The following ESRRG variants were observed in gnomAD, a reference collection of about 807,000 sequenced individuals.
ESRRG encodes estrogen-related receptor gamma.
Under a neutral mutation model 44.0 loss-of-function variants are expected in ESRRG, and 13 were observed. The observed-to-expected ratio is 0.30, with a 90% CI of 0.19 to 0.47. The LOEUF (loss-of-function observed/expected upper bound fraction) is 0.47. Ranked by LOEUF, ESRRG falls within the 20% of genes least tolerant of loss-of-function variation. The pLI is 1.00. For missense variants in ESRRG, 395 were observed against 580.6 expected, an observed-to-expected ratio of 0.68 and a Z score of 3.29; for synonymous variants, 215 against 214.6, an observed-to-expected ratio of 1.00 and a Z score of -0.02.
At chr1:216,738,501 G>A (rs571500649) in intron 2 of ESRRG, among the ~76,000 whole-genome samples, 9 of 152,144 alleles carry the variant, frequency 5.9e-5, no homozygotes, top group Non-Finnish European at 1.2e-4. Flanking sequence ...AAAATCTGTG[G>A]TATCATAAGG....
chr1:216,531,454 G>C (rs2049352558), intron 5 of ESRRG, among the ~76,000 whole-genome samples: 1 of 152,016 alleles, frequency 6.6e-6, no homozygotes, highest in Admixed American at 6.6e-5. Flanking sequence ...CGTTCCACTG[G>C]GGAGGCGACC....
intron 2 of ESRRG, among the ~76,000 whole-genome samples, chr1:216,765,237 A>C (rs1432060460): frequency 6.6e-6 from 1 of 152,144 alleles, no homozygotes; most frequent in East Asian, 1.9e-4. Flanking sequence ...GGAAGGGAGA[A>C]AACATCACAA....
In ESRRG at chr1:217,107,713, GC is replaced by G. The variant is rs571960309; in HGVS notation, c.-230+29953del. ...AAAACTCTTCTAAAATTCAGTCTGA[GC>G]TACTTATGCACAAGGGCCATAGGAT... On this transcript the variant is annotated intron_variant, in intron 1 of 8. Coordinates refer to the ESRRG transcript ENST00000366940. 2.8e-3 allele frequency among the ~76,000 whole-genome samples: 429 copies of G among 152,218 alleles called. 2 individuals are homozygous for G. The highest frequency in any genetic ancestry group is 9.8e-3 in the African/African-American group (405 of 41,530).
intron 1 of ESRRG, chr1:216,959,637 T>A (rs549829607): frequency 6.6e-6 from 1 of 152,186 alleles, no homozygotes; most frequent in Non-Finnish European, 1.5e-5. Context: ...GAGTAAGCTC[T>A]GATTGTGGCA....
At chr1:216,866,322 T>C (rs1031742096) in intron 2 of ESRRG, among the ~76,000 whole-genome samples, 5 of 152,188 alleles carry the variant, frequency 3.3e-5, no homozygotes, top group African/African-American at 1.2e-4. Flanking sequence ...ATCCCCTTTA[T>C]ATGGTGCAAC....
chr1:216,632,000 C>T (rs1361373538), intron 3 of ESRRG, among the ~76,000 whole-genome samples: 1 of 152,024 alleles, frequency 6.6e-6, no homozygotes, highest in Non-Finnish European at 1.5e-5. Flanking sequence ...CAGGAGGTCC[C>T]GAAGGCTTCT....
intron 2 of ESRRG, among the ~76,000 whole-genome samples, chr1:216,889,900 A>G (rs1166332747): frequency 3.9e-5 from 6 of 152,208 alleles, no homozygotes; most frequent in Non-Finnish European, 8.8e-5. Flanking sequence ...AACCAGGTTA[A>G]AAATACTGAA....
At chr1:216,575,759 T>C (rs948510428) in intron 3 of ESRRG, among the ~76,000 whole-genome samples, 3 of 152,054 alleles carry the variant, frequency 2.0e-5, no homozygotes, top group Non-Finnish European at 4.4e-5. Context: ...GAGCATTTGG[T>C]ATATATTCCA....
chr1:217,123,526 G>A (rs1358520686), intron 1 of ESRRG, among the ~76,000 whole-genome samples: 2 of 152,034 alleles, frequency 1.3e-5, no homozygotes, highest in Non-Finnish European at 2.9e-5. Context: ...ATGATAGACT[G>A]GTTAAAGAAA....
At position 217,033,535 on chromosome 1, in the gene ESRRG, T is replaced by C. The variant is rs754728536; in HGVS notation, c.-106+55972A>G. ...ATTAATTTATTAAGCCCAAAAAAGA[T>C]GTGAAATATTCTAAAATCAGATTGT... On this transcript the variant is annotated intron_variant, in intron 1 of 7. Transcript: ENST00000359162. Among the ~76,000 whole-genome samples the C allele has an allele frequency of 1.6e-4, 25 of 152,212 alleles. 1 individual carries two copies. The highest frequency in any genetic ancestry group is 3.4e-4 in the Non-Finnish European group (23 of 68,052).
chr1:217,053,669 A>G (rs1252975125), intron 1 of ESRRG, among the ~76,000 whole-genome samples: 1 of 152,188 alleles, frequency 6.6e-6, no homozygotes, highest in East Asian at 1.9e-4. Context: ...TTTGCATGGC[A>G]TGACAAATAA....
intron 1 of ESRRG, among the ~76,000 whole-genome samples, chr1:216,977,341 T>TATACAC (rs146010546): frequency 0.19 from 27,164 of 143,906 alleles, 2,821 homozygotes; most frequent in East Asian, 0.38. Flanking sequence ...GGAGGATACA[T>TATACAC]ACACACACAC....
intron 2 of ESRRG, among the ~76,000 whole-genome samples, chr1:216,938,323 A>C (rs2064516614): frequency 6.6e-6 from 1 of 152,212 alleles, no homozygotes; most frequent in African/African-American, 2.4e-5. Context: ...GTCCGTGAGA[A>C]GTAGATGTAG....
At chr1:216,550,635 G>A (rs114969661) in intron 5 of ESRRG, among the ~76,000 whole-genome samples, 89 of 152,172 alleles carry the variant, frequency 5.8e-4, no homozygotes, top group African/African-American at 1.9e-3. Flanking sequence ...TGCTGTTGCC[G>A]GAGAGAACAA....
At chr1:216,637,503 T>A (rs1183966123) in intron 3 of ESRRG, among the ~76,000 whole-genome samples, 1 of 152,180 alleles carries the variant, frequency 6.6e-6, no homozygotes, top group African/African-American at 2.4e-5. Flanking sequence ...AGCTTCCATG[T>A]GACTTAAAGG....
intron 3 of ESRRG, among the ~76,000 whole-genome samples, chr1:216,583,987 GA>G (rs1336213063): frequency 6.6e-6 from 1 of 152,108 alleles, no homozygotes; most frequent in East Asian, 1.9e-4. Context: ...CAACACATGG[GA>G]ATTCAAGATG....
intron 1 of ESRRG, chr1:217,078,459 T>C (rs1278315641): frequency 6.6e-6 from 1 of 152,270 alleles, no homozygotes; most frequent in Non-Finnish European, 1.5e-5. Flanking sequence ...TGCCAAGTGC[T>C]GGAGAGCAGA....
chr1:216,774,458 A>G (rs749175701), intron 2 of ESRRG, among the ~76,000 whole-genome samples: 1 of 152,068 alleles, frequency 6.6e-6, no homozygotes, highest in Non-Finnish European at 1.5e-5. Context: ...TCCTCTGTAC[A>G]TCAGTCATGC....
At chr1:216,592,564 G>A (rs1224076234) in intron 3 of ESRRG, among the ~76,000 whole-genome samples, 4 of 151,696 alleles carry the variant, frequency 2.6e-5, no homozygotes, top group African/African-American at 4.8e-5. Context: ...GCAGTGGTAC[G>A]ATCTTGGCTC....
Sources: gnomAD v4.1 joint callset for allele counts (sites outside exome capture counted in the v4.1 genomes callset) on GRCh38, gnomAD v4.1.1 for gene constraint, MANE v1.5 for transcripts, NCBI Gene and HGNC (gene_info 2026-07-23, HGNC 2026-07-21) for gene names.